The following ZNF229 variants were observed in gnomAD, a reference collection of about 807,000 sequenced individuals.
ZNF229 encodes zinc finger protein 229.
Under a neutral mutation model 11.8 loss-of-function variants are expected in ZNF229, and 10 were observed. The observed-to-expected ratio is 0.85, with a 90% CI of 0.52 to 1.44. The LOEUF (loss-of-function observed/expected upper bound fraction) is 1.44, where lower values mean the gene tolerates loss of function less well. Ranked by LOEUF, ZNF229 falls within the 40% of genes most tolerant of loss-of-function variation. The pLI is 0.00. For synonymous variants in ZNF229, 368 were observed against 374.8 expected (o/e 0.98, Z 0.21); for missense variants, 1,045 against 1,015.1 (o/e 1.03, Z -0.40).
At chr19:44,443,063 C>T in intron 2 of ZNF229, 39 bp from the exon 3 acceptor site, 2 of 606,184 alleles carry the variant, frequency 3.3e-6, no homozygotes, top group Non-Finnish European at 5.8e-6. Flanking sequence ...GTCCTTTCTT[C>T]TGGGCCCCAA....
At position 44,427,724 on chromosome 19, in the gene ZNF229, A is replaced by C. The variant is rs913314300; in HGVS notation, c.*579T>G. ...AGCTGTAAAGCTTACCTGCAAGATA[A>C]AACAGTCATAAAAACATGATAAAAA... On this transcript the variant is annotated 3_prime_UTR_variant, in exon 6 of 6. Coordinates refer to ENST00000614049, the MANE Select transcript of ZNF229 (RefSeq NM_014518.4). 6.6e-6 allele frequency: 1 copy of C among 152,494 alleles called. No individual in the cohort carries two copies. Among genetic ancestry groups the C allele is most frequent in the Non-Finnish European group, 1.5e-5 (1 of 68,474 alleles). The allele number at this position is 152,494 out of a possible 1,614,324, so 9.4% of individuals were successfully genotyped here.
Position 44,427,820 on chromosome 19 carries a change from C to G in ZNF229, c.*483G>C, listed in dbSNP as rs1062093. 42,522 of 154,448 alleles carry G rather than the reference C, an allele frequency of 0.28. 7,292 individuals are homozygous for G. The highest frequency in any genetic ancestry group is 0.47 in the South Asian group (2,343 of 5,002). The allele number at this position is 154,448 out of a possible 1,614,324, so 9.6% of individuals were successfully genotyped here. ...CTGGTCTTCTCAGAGTGACTTGTTT[C>G]AATAAATGTTAATGTTATCTTTTTG... On this transcript the variant is annotated 3_prime_UTR_variant, in exon 6 of 6. Transcript: ENST00000614049.
At chr19:44,430,742 T>C (rs987212866) in intron 5 of ZNF229, among the ~76,000 whole-genome samples, 200 bp from the exon 6 acceptor site, 1 of 152,162 alleles carries the variant, frequency 6.6e-6, no homozygotes, top group East Asian at 1.9e-4. Context: ...ATCCTATTAG[T>C]ACCAAACTAT....
intron 4 of ZNF229, among the ~76,000 whole-genome samples, chr19:44,436,600 G>C (rs1299092511): frequency 1.3e-5 from 2 of 151,882 alleles, no homozygotes; most frequent in Non-Finnish European, 2.9e-5. Context: ...TGGCAACATA[G>C]GGAGACCTAC....
intron 1 of ZNF229, among the ~76,000 whole-genome samples, chr19:44,447,890 G>A (rs1972029716): frequency 6.6e-6 from 1 of 152,176 alleles, no homozygotes; most frequent in Non-Finnish European, 1.5e-5. Flanking sequence ...ATCCAGAGCT[G>A]ACTGTCACAT....
At chr19:44,446,139 C>A (rs146027833) in intron 2 of ZNF229, among the ~76,000 whole-genome samples, 35 of 152,132 alleles carry the variant, frequency 2.3e-4, no homozygotes, top group African/African-American at 7.7e-4. Context: ...GGTACAAAGG[C>A]AGTGGGACAA....
Position 44,430,561 on chromosome 19 carries a change from T to C in ZNF229, c.239-19A>G. ...TTGTCTCCTATGAGGTTAAAGACAA[T>C]TCAGAGATGAGAACTAGTAAAAGAC... On this transcript the variant is annotated intron_variant, in intron 5 of 5. Transcript: ENST00000614049. The C allele has an allele frequency of 6.3e-7, 1 of 1,590,610 alleles. No individual in the cohort carries two copies. Among genetic ancestry groups the C allele is most frequent in the South Asian group, 1.1e-5 (1 of 87,758 alleles).
Position 44,427,479 on chromosome 19 carries a change from T to C in ZNF229, c.*824A>G, listed in dbSNP as rs988151646. On this transcript the variant is annotated 3_prime_UTR_variant, in exon 6 of 6. Transcript: ENST00000614049. Reference sequence around the variant, plus strand: ...TCTAAGAAATATTACTGAGGGACCATATGAAATACTATCAGTGGTAAAAAA... The same window carrying C: ...TCTAAGAAATATTACTGAGGGACCACATGAAATACTATCAGTGGTAAAAAA... 7.2e-6 allele frequency: 1 copy of C among 138,006 alleles called. No homozygotes were observed. Among genetic ancestry groups the C allele is most frequent in the Non-Finnish European group, 1.5e-5 (1 of 65,600 alleles). The allele number at this position is 138,006 out of a possible 1,614,324, so 8.5% of individuals were successfully genotyped here. A position where few individuals can be genotyped will look rare whatever the true frequency, so the allele number is the denominator to read the frequency against.
At chr19:44,442,746 A>G in intron 3 of ZNF229, 68 bp downstream of exon 3, 2 of 1,606,200 alleles carry the variant, frequency 1.2e-6, no homozygotes, top group Non-Finnish European at 1.7e-6. Flanking sequence ...ATTCCTCAAC[A>G]TCCAACTTTT....
chr19:44,430,268 T>C lies in ZNF229; in HGVS notation c.513A>G (p.Gln171=), dbSNP rs774924904. The C allele has an allele frequency of 4.3e-6, 7 of 1,614,030 alleles. No homozygotes were observed. In the African/African-American group the frequency reaches 5.3e-5, roughly 12 times the overall value. Residue 171 remains glutamine, a synonymous_variant, in exon 6 of 6, where the codon CAA becomes CAG. Coordinates refer to ENST00000614049, the MANE Select transcript of ZNF229 (RefSeq NM_014518.4). ...QGDGLIGLEN[Q]QFPAWRAIRP... Reference sequence around the variant, plus strand: ...TTATAGCTCTCCAGGCTGGAAACTGTTGATTTTCTAGACCGATAAGCCCAT... The same window carrying C: ...TTATAGCTCTCCAGGCTGGAAACTGCTGATTTTCTAGACCGATAAGCCCAT...
intron 4 of ZNF229, among the ~76,000 whole-genome samples, chr19:44,439,569 G>A (rs575937296): frequency 2.6e-5 from 4 of 152,096 alleles, no homozygotes; most frequent in South Asian, 2.1e-4. Flanking sequence ...TTAGCCTCCC[G>A]AGTACCTGAG....
Position 44,426,289 on chromosome 19 carries a change from T to C in ZNF229, c.*2014A>G, listed in dbSNP as rs557882800. On this transcript the variant is annotated 3_prime_UTR_variant, in exon 6 of 6. Coordinates refer to ENST00000614049, the MANE Select transcript of ZNF229 (RefSeq NM_014518.4). ...AACATGAATCTTTAATCATAAGGGA[T>C]TGTTCCATCAGGCTAATTTATAAAA... The C allele has an allele frequency of 5.6e-4, 85 of 152,252 alleles. 3 individuals are homozygous for C. Among genetic ancestry groups the C allele is most frequent in the African/African-American group, 1.7e-3 (71 of 41,520 alleles). 9.4% of individuals were successfully genotyped at this position (152,252 alleles called of 1,614,324 possible).
At chr19:44,442,101 G>A (rs1971921245) in intron 4 of ZNF229, among the ~76,000 whole-genome samples, 1 of 151,584 alleles carries the variant, frequency 6.6e-6, no homozygotes, top group Non-Finnish European at 1.5e-5. Flanking sequence ...TTTTGTCATA[G>A]ATGAAACTTT....
chr19:44,447,025 C>A (rs1212674274), intron 2 of ZNF229, among the ~76,000 whole-genome samples: 1 of 152,196 alleles, frequency 6.6e-6, no homozygotes, highest in East Asian at 1.9e-4. Flanking sequence ...TTTAGAAGGT[C>A]TCCTGGCCAG....
intron 4 of ZNF229, among the ~76,000 whole-genome samples, chr19:44,441,293 A>C (rs1971904673): frequency 6.6e-6 from 1 of 152,156 alleles, no homozygotes; most frequent in Admixed American, 6.5e-5. Flanking sequence ...GGAAGTAAAA[A>C]CGTGCTAATT....
chr19:44,442,937 TTTCATTCCG>T lies in ZNF229; in HGVS notation c.-99_-91del. 6.7e-7 allele frequency: 1 copy of T among 1,491,256 alleles called. No homozygotes were observed. Among genetic ancestry groups the T allele is most frequent in the Non-Finnish European group, 9.3e-7 (1 of 1,070,638 alleles). The allele number at this position is 1,491,256 out of a possible 1,614,324, so 92.4% of individuals were successfully genotyped here. ...TGGAGACGCAGAAGATCCAGGCCTT[TTTCATTCCG>T]GAAACTCTCCAAGCTCTGACAAGTT... is the stretch of plus-strand genomic sequence containing the variant. On this transcript the variant is annotated 5_prime_UTR_variant, in exon 3 of 6. It removes an upstream start codon present in the reference 5' UTR. Coordinates refer to ENST00000614049, the MANE Select transcript of ZNF229 (RefSeq NM_014518.4).
At position 44,428,045 on chromosome 19, in the gene ZNF229, T is replaced by C; in HGVS notation, c.*258A>G. Reference sequence around the variant, plus strand: ...AGATTCTGATGGAAGTGAGGATTATTACTGAAACCACTGCTGCACTGTTTC... The same window carrying C: ...AGATTCTGATGGAAGTGAGGATTATCACTGAAACCACTGCTGCACTGTTTC... On this transcript the variant is annotated 3_prime_UTR_variant, in exon 6 of 6. Coordinates refer to ENST00000614049, the MANE Select transcript of ZNF229 (RefSeq NM_014518.4). 2.6e-6 allele frequency: 1 copy of C among 389,006 alleles called. No individual in the cohort carries two copies. 24.1% of individuals were successfully genotyped at this position (389,006 alleles called of 1,614,324 possible). A position where few individuals can be genotyped will look rare whatever the true frequency, so the allele number is the denominator to read the frequency against.
In ZNF229 at chr19:44,428,561, G is replaced by T; in HGVS notation, c.2220C>A (p.Tyr740Ter). Residue 740 changes from tyrosine (Y) to a stop codon, truncating the protein, a stop_gained, in exon 6 of 6, where the codon TAC becomes TAA. Coordinates refer to ENST00000614049, the MANE Select transcript of ZNF229 (RefSeq NM_014518.4). LOFTEE classifies it low-confidence loss of function (END_TRUNC). ...AGCCCTTCCCACACACGTGGCATCT[G>T]TATGGCTTCTCGCCAGTGTGCACTC... ...HKRVHTGEKP[Y>*]RCHVCGKGYS... 6.2e-7 allele frequency: 1 copy of T among 1,613,562 alleles called. No homozygotes were observed. Among genetic ancestry groups the T allele is most frequent in the South Asian group, 1.1e-5 (1 of 91,058 alleles).
chr19:44,438,342 G>A (rs891294013), intron 4 of ZNF229, among the ~76,000 whole-genome samples: 4 of 152,206 alleles, frequency 2.6e-5, no homozygotes, highest in Non-Finnish European at 4.4e-5. Context: ...GGGCATCTTT[G>A]CCACATATCC....
Sources: allele counts gnomAD v4.1 joint callset (sites outside exome capture counted in the v4.1 genomes callset), GRCh38; gene constraint gnomAD v4.1.1; transcripts MANE v1.5; gene names NCBI Gene and HGNC (gene_info 2026-07-23, HGNC 2026-07-21).